The following KCNH8 variants were observed in gnomAD, a reference collection of about 807,000 sequenced individuals.
KCNH8 encodes the protein potassium voltage-gated channel subfamily H member 8.
Under a neutral mutation model 103.6 loss-of-function variants are expected in KCNH8, and 70 were observed. That is an observed-to-expected ratio of 0.68 (90% CI 0.56 to 0.82). The LOEUF (loss-of-function observed/expected upper bound fraction) is 0.82. Among genes scored for constraint, KCNH8 ranks in the 40% least tolerant of loss-of-function variants. The pLI is 0.00. For synonymous variants in KCNH8, 498 were observed against 489.4 expected, an observed-to-expected ratio of 1.02 and a Z score of -0.23; for missense variants, 1,217 against 1,329.9, an observed-to-expected ratio of 0.92 and a Z score of 1.32.
chr3:19,180,952 A>G (rs1397281883), intron 1 of KCNH8, among the ~76,000 whole-genome samples: 1 of 152,172 alleles, frequency 6.6e-6, no homozygotes, highest in Non-Finnish European at 1.5e-5. Context: ...TTCTTTTGGT[A>G]GACTAGAGAC....
At chr3:19,343,823 C>T (rs1159407788) in intron 4 of KCNH8, among the ~76,000 whole-genome samples, 1 of 151,814 alleles carries the variant, frequency 6.6e-6, no homozygotes, top group Non-Finnish European at 1.5e-5. Flanking sequence ...ATGTATGAGC[C>T]CAGGGTGAGG....
At chr3:19,298,476 T>C (rs1264946817) in intron 3 of KCNH8, among the ~76,000 whole-genome samples, 2 of 152,194 alleles carry the variant, frequency 1.3e-5, no homozygotes, top group African/African-American at 2.4e-5. Flanking sequence ...GGGTTACAGT[T>C]GAGTTATCAA....
chr3:19,160,518 A>G (rs569187961), intron 1 of KCNH8, among the ~76,000 whole-genome samples: 1 of 152,244 alleles, frequency 6.6e-6, no homozygotes, highest in South Asian at 2.1e-4. Flanking sequence ...AGCAGCTACT[A>G]ATCTATTTTT....
At chr3:19,185,109 G>T (rs1199400974) in intron 1 of KCNH8, among the ~76,000 whole-genome samples, 1 of 151,818 alleles carries the variant, frequency 6.6e-6, no homozygotes, top group Non-Finnish European at 1.5e-5. Flanking sequence ...TAAGTCTTTT[G>T]TAGAGAGATG....
At chr3:19,481,159 CATTG>C (rs1227749182) in intron 11 of KCNH8, among the ~76,000 whole-genome samples, 2 of 152,088 alleles carry the variant, frequency 1.3e-5, no homozygotes, top group African/African-American at 2.4e-5. Flanking sequence ...CTCAAGACTT[CATTG>C]ATTTTGTTGT....
At chr3:19,407,791 T>A (rs901038913) in intron 7 of KCNH8, among the ~76,000 whole-genome samples, 1 of 152,088 alleles carries the variant, frequency 6.6e-6, no homozygotes, top group African/African-American at 2.4e-5. Flanking sequence ...CCTAGGAAGA[T>A]CTCCAGGTAT....
intron 3 of KCNH8, among the ~76,000 whole-genome samples, chr3:19,303,035 C>T (rs1446771579): frequency 6.6e-6 from 1 of 152,108 alleles, no homozygotes; most frequent in African/African-American, 2.4e-5. Flanking sequence ...CCATACCGAA[C>T]CTCAATCTGT....
intron 3 of KCNH8, among the ~76,000 whole-genome samples, chr3:19,290,135 G>GGAGATTTTGGGCTGAGACA (rs1460466326): frequency 6.6e-6 from 1 of 152,136 alleles, no homozygotes; most frequent in African/African-American, 2.4e-5. Flanking sequence ...ATCAGCTTAA[G>GGAGATTTTGGGCTGAGACA]GAGATTTTGG....
At chr3:19,376,442 T>G (rs1407156693) in intron 5 of KCNH8, among the ~76,000 whole-genome samples, 2 of 152,064 alleles carry the variant, frequency 1.3e-5, no homozygotes, top group African/African-American at 4.8e-5. Context: ...AGGCAATGCC[T>G]CTCCCTGCTT....
At chr3:19,383,140 G>A (rs560038134) in intron 5 of KCNH8, among the ~76,000 whole-genome samples, 7 of 152,224 alleles carry the variant, frequency 4.6e-5, no homozygotes, top group African/African-American at 1.2e-4. Flanking sequence ...GAGATAAGGA[G>A]CCATAATATT....
chr3:19,193,407 T>G (rs1365050626), intron 1 of KCNH8, among the ~76,000 whole-genome samples: 5 of 151,674 alleles, frequency 3.3e-5, no homozygotes, highest in African/African-American at 9.7e-5. Context: ...CTTCTCTTCA[T>G]TTTGTTCATT....
At chr3:19,324,755 C>G (rs1386954623) in intron 3 of KCNH8, among the ~76,000 whole-genome samples, 1 of 152,228 alleles carries the variant, frequency 6.6e-6, no homozygotes, top group East Asian at 1.9e-4. Flanking sequence ...AATGCCCATA[C>G]TGCCCAAAGC....
intron 8 of KCNH8, among the ~76,000 whole-genome samples, chr3:19,439,376 A>G (rs531855331): frequency 2.8e-4 from 43 of 152,350 alleles, no homozygotes; most frequent in African/African-American, 1.0e-3. Context: ...GACAGCTATG[A>G]TTCATAAATA....
At chr3:19,241,535 T>C (rs1159012878) in intron 1 of KCNH8, among the ~76,000 whole-genome samples, 2 of 152,182 alleles carry the variant, frequency 1.3e-5, no homozygotes, top group East Asian at 1.9e-4. Context: ...TAAAAGGTGC[T>C]CAACCCAAAA....
intron 1 of KCNH8, among the ~76,000 whole-genome samples, chr3:19,164,354 G>A (rs1018408188): frequency 1.4e-4 from 22 of 152,176 alleles, no homozygotes; most frequent in African/African-American, 2.4e-5. Context: ...AGTTTGAAAA[G>A]AGGAAAAGGG....
At chr3:19,356,609 G>C (rs1342078520) in intron 5 of KCNH8, among the ~76,000 whole-genome samples, 4 of 151,926 alleles carry the variant, frequency 2.6e-5, no homozygotes, top group Non-Finnish European at 5.9e-5. Context: ...TAATTAAGCT[G>C]CTGATTCAAA....
At chr3:19,365,054 A>G (rs2065993565) in intron 5 of KCNH8, among the ~76,000 whole-genome samples, 1 of 152,114 alleles carries the variant, frequency 6.6e-6, no homozygotes, top group African/African-American at 2.4e-5. Context: ...GAATTACTTT[A>G]TTCACCATCA....
chr3:19,288,225 G>GTTTTTTT (rs2064864190), intron 3 of KCNH8, among the ~76,000 whole-genome samples: 1 of 48,896 alleles, frequency 2.0e-5, no homozygotes, highest in African/African-American at 8.1e-5. Flanking sequence ...ATTAAAGCTA[G>GTTTTTTT]TTTATTTATT....
chr3:19,378,239 A>G (rs552802367), intron 5 of KCNH8, among the ~76,000 whole-genome samples: 1 of 152,350 alleles, frequency 6.6e-6, no homozygotes, highest in Non-Finnish European at 1.5e-5. Flanking sequence ...CACTTTCATT[A>G]GAAGAGCTCA....
Sources: allele counts gnomAD v4.1 joint callset (sites outside exome capture counted in the v4.1 genomes callset), GRCh38; gene constraint gnomAD v4.1.1; transcripts MANE v1.5; gene names NCBI Gene and HGNC (gene_info 2026-07-23, HGNC 2026-07-21).